AKR1C4: variants seen among roughly 807,000 people sequenced by gnomAD.
AKR1C4 encodes the protein 3-alpha-HSD1.
In AKR1C4, 44 loss-of-function variants were observed where a neutral mutation model predicts 41.0. The ratio of observed to expected loss-of-function variants is 1.07; its 90% CI spans 0.84 to 1.38. The LOEUF (loss-of-function observed/expected upper bound fraction) is 1.38, where lower values mean the gene tolerates loss of function less well. AKR1C4 is among the 40% of genes most tolerant of loss of function. The pLI is 0.00. For synonymous variants in AKR1C4, 165 were observed against 137.7 expected, an observed-to-expected ratio of 1.20 and a Z score of -1.39; for missense variants, 438 against 387.9, an observed-to-expected ratio of 1.13 and a Z score of -1.09.
At chr10:5,217,599 A>G (rs1554798652) in intron 8 of AKR1C4, among the ~76,000 whole-genome samples, 1 of 152,226 alleles carries the variant, frequency 6.6e-6, no homozygotes, top group African/African-American at 2.4e-5. Flanking sequence ...GTCTCTACTA[A>G]AAATAAAAAA....
Position 5,213,051 on chromosome 10 carries a change from GA to G in AKR1C4, c.741del (p.Lys247AsnfsTer8). On this transcript the variant is annotated frameshift_variant, in exon 7 of 9. Coordinates refer to ENST00000263126, the MANE Select transcript of AKR1C4 (RefSeq NM_001818.5). LOFTEE classifies it high-confidence loss of function. ...ACCCAGTTCTTTGTGCCTTAGCAAA[GA>G]AACACAAACAAACCCCAGCCCTGAT... The part of the protein sequence containing the change: ...EDPVLCALAK[K>X]HKQTPALIAL... 1 of 1,614,138 alleles carries G rather than the reference GA, an allele frequency of 6.2e-7. No individual in the cohort carries two copies. Among genetic ancestry groups the G allele is most frequent in the Non-Finnish European group, 8.5e-7 (1 of 1,180,018 alleles).
intron 1 of AKR1C4, among the ~76,000 whole-genome samples, chr10:5,199,103 C>T (rs1832358021): frequency 6.6e-6 from 1 of 152,124 alleles, no homozygotes; most frequent in African/African-American, 2.4e-5. Flanking sequence ...TGGGAAACTC[C>T]ATGCTAGTGA....
chr10:5,208,769 A>G lies in AKR1C4; in HGVS notation c.570+2372A>G, dbSNP rs545928914. On this transcript the variant is annotated intron_variant, in intron 5 of 8. Coordinates refer to ENST00000263126, the MANE Select transcript of AKR1C4 (RefSeq NM_001818.5). ...TCTTATACCTCTATTTTAACCATAA[A>G]TAGAAGATGAAAAAATTTAAAGATA... Among the ~76,000 whole-genome samples, 801 of 151,484 alleles carry G rather than the reference A, an allele frequency of 5.3e-3. 18 individuals are homozygous for G. Among genetic ancestry groups the G allele is most frequent in the Middle Eastern group, 0.014 (4 of 294 alleles).
intron 7 of AKR1C4, among the ~76,000 whole-genome samples, chr10:5,215,379 C>T (rs11253046): frequency 0.37 from 55,827 of 151,362 alleles, 11,653 homozygotes; most frequent in Non-Finnish European, 0.47. Context: ...TTTTGTGCTG[C>T]TGTAAAAAAA....
At chr10:5,208,660 A>T (rs1446067796) in intron 5 of AKR1C4, among the ~76,000 whole-genome samples, 1 of 151,578 alleles carries the variant, frequency 6.6e-6, no homozygotes, top group African/African-American at 2.4e-5. Context: ...TGCAATTATT[A>T]TATCTAAGGA....
chr10:5,208,832 A>G (rs1192165745), intron 5 of AKR1C4, among the ~76,000 whole-genome samples: 2 of 151,352 alleles, frequency 1.3e-5, no homozygotes, highest in African/African-American at 2.5e-5. Flanking sequence ...TACCTAATAA[A>G]AGATGTGTAT....
At chr10:5,204,789 TCA>T in intron 3 of AKR1C4, 1 of 446,122 alleles carries the variant, frequency 2.2e-6, no homozygotes, top group Non-Finnish European at 4.2e-6. Flanking sequence ...CTTAGGATCT[TCA>T]CAGATACAGA....
At position 5,212,981 on chromosome 10, in the gene AKR1C4, G is replaced by A; in HGVS notation, c.681-13G>A. On this transcript the variant is annotated splice_polypyrimidine_tract_variant and intron_variant, in intron 6 of 8. Coordinates refer to ENST00000263126, the MANE Select transcript of AKR1C4 (RefSeq NM_001818.5). ...CAGCCTCAAGACTTCAGCATTTCTGGCTTTCCTTCCAGGGTGGACCCAAAC... is the reference window on the plus strand; with the variant it reads ...CAGCCTCAAGACTTCAGCATTTCTGACTTTCCTTCCAGGGTGGACCCAAAC... 4 of 1,613,040 alleles carry A rather than the reference G, an allele frequency of 2.5e-6. No individual in the cohort carries two copies. Among genetic ancestry groups the A allele is most frequent in the Non-Finnish European group, 3.4e-6 (4 of 1,179,284 alleles).
intron 2 of AKR1C4, chr10:5,202,542 T>A (rs1004081513): frequency 6.8e-6 from 3 of 442,520 alleles, no homozygotes; most frequent in Admixed American, 2.5e-5. Flanking sequence ...CAGTACTATG[T>A]TTAATAGAAG....
In AKR1C4 at chr10:5,204,448, G is replaced by A. The variant is rs782625417; in HGVS notation, c.324G>A (p.Leu108=). 6.2e-7 allele frequency: 1 copy of A among 1,613,866 alleles called. No individual in the cohort carries two copies. Among genetic ancestry groups the A allele is most frequent in the Admixed American group, 1.7e-5 (1 of 60,008 alleles). The part of the protein sequence containing the change: ...ALESSLKKLQ[L]DYVDLYLLHF... ...AAAGCTCACTGAAAAAACTTCAACT[G>A]GACTATGTTGACCTCTATCTTCTTC... Residue 108 remains leucine (L), a synonymous_variant, in exon 3 of 9, where the codon CTG becomes CTA. Coordinates refer to ENST00000263126, the MANE Select transcript of AKR1C4 (RefSeq NM_001818.5).
At chr10:5,218,200 A>G (rs918827860) in intron 8 of AKR1C4, among the ~76,000 whole-genome samples, 4 of 152,246 alleles carry the variant, frequency 2.6e-5, no homozygotes, top group Non-Finnish European at 5.9e-5. Flanking sequence ...GGAACCCCAT[A>G]TCACATATGA....
intron 1 of AKR1C4, among the ~76,000 whole-genome samples, chr10:5,197,645 G>A (rs1472977427): frequency 6.6e-6 from 1 of 152,148 alleles, no homozygotes; most frequent in Non-Finnish European, 1.5e-5. Flanking sequence ...TGGGCAAAAT[G>A]GAGACATTTT....
rs73603573 is a variant in AKR1C4 at position 5,208,502 on chromosome 10, G to C, written c.570+2105G>C. On this transcript the variant is annotated intron_variant, in intron 5 of 8. Transcript: ENST00000263126. ...AAAATTGTTGACACTTTGCCAACCT[G>C]GCAAGTATATAGGCATATATGAGTA... Among the ~76,000 whole-genome samples, 1,434 of 151,604 alleles carry C rather than the reference G, an allele frequency of 9.5e-3. 87 individuals are homozygous for C. The highest frequency in any genetic ancestry group is 0.033 in the African/African-American group (1,353 of 40,928).
intron 2 of AKR1C4, 64 bp from the exon 3 acceptor site, chr10:5,204,313 G>A: frequency 7.9e-7 from 1 of 1,262,792 alleles, no homozygotes; most frequent in African/African-American, 1.5e-5. Flanking sequence ...AATATTAGGT[G>A]AAGCAAACTA....
rs1228712761 is a variant in AKR1C4 at position 5,206,261 on chromosome 10, C to T, written c.448-14C>T. ...AACTGCACAAATAATTCCTCACAACCCCTTTCTCCCCAGGTCATGGAGAAG... is the reference window on the plus strand; with the variant it reads ...AACTGCACAAATAATTCCTCACAACTCCTTTCTCCCCAGGTCATGGAGAAG... On this transcript the variant is annotated splice_polypyrimidine_tract_variant and intron_variant, in intron 4 of 8. Coordinates refer to ENST00000263126, the MANE Select transcript of AKR1C4 (RefSeq NM_001818.5). 2 of 1,613,798 alleles carry T rather than the reference C, an allele frequency of 1.2e-6. No individual in the cohort carries two copies. Among genetic ancestry groups the T allele is most frequent in the Admixed American group, 1.7e-5 (1 of 59,980 alleles).
Position 5,214,744 on chromosome 10 carries a change from T to C in AKR1C4, c.846+1585T>C, listed in dbSNP as rs544882514. Among the ~76,000 whole-genome samples, 3 of 152,288 alleles carry C rather than the reference T, an allele frequency of 2.0e-5. No individual in the cohort carries two copies. In the East Asian group the frequency reaches 5.8e-4, roughly 29 times the overall value. On this transcript the variant is annotated intron_variant, in intron 7 of 8. Transcript: ENST00000263126. ...AAGAATACAATGAATGCTTCTTACC[T>C]AGACTCATCAATTGTTAAATTGATG...
Position 5,217,609 on chromosome 10 carries a change from A to C in AKR1C4, c.929+816A>C, listed in dbSNP as rs1588345140. Among the ~76,000 whole-genome samples the C allele has an allele frequency of 2.0e-5, 3 of 152,328 alleles. No individual in the cohort carries two copies. In the South Asian group the frequency reaches 6.2e-4, roughly 32 times the overall value. Reference sequence around the variant, plus strand: ...ACCCTGTCTCTACTAAAAATAAAAAAATTAGCCATGCATGGTGGCACACAC... The same window carrying C: ...ACCCTGTCTCTACTAAAAATAAAAACATTAGCCATGCATGGTGGCACACAC... On this transcript the variant is annotated intron_variant, in intron 8 of 8. Transcript: ENST00000263126.
In AKR1C4 at chr10:5,218,722, A is replaced by G. The variant is rs782186610; in HGVS notation, c.934A>G (p.Met312Val). ...NYRYVVMDFL[M>V]DHPDYPFSDE... Reference sequence around the variant, plus strand: ...TACTATCCTTTCTCTTTTCAGTCTTATGGACCATCCTGATTATCCATTTTC... The same window carrying G: ...TACTATCCTTTCTCTTTTCAGTCTTGTGGACCATCCTGATTATCCATTTTC... Residue 312 changes from methionine (M) to valine (V), a missense_variant, in exon 9 of 9, where the codon ATG becomes GTG. Coordinates refer to ENST00000263126, the MANE Select transcript of AKR1C4 (RefSeq NM_001818.5). 4 of 1,599,828 alleles carry G rather than the reference A, an allele frequency of 2.5e-6. No homozygotes were observed. The South Asian group carries it at 3.3e-5, about 13-fold the overall frequency.
chr10:5,204,554 T>TCA, intron 3 of AKR1C4, 61 bp downstream of exon 3: 2 of 1,285,762 alleles, frequency 1.6e-6, no homozygotes, highest in Non-Finnish European at 1.1e-6. Flanking sequence ...TTTATGATGG[T>TCA]TGAATTGAAC....
Sources: allele counts gnomAD v4.1 joint callset (sites outside exome capture counted in the v4.1 genomes callset), GRCh38; gene constraint gnomAD v4.1.1; transcripts MANE v1.5; gene names NCBI Gene and HGNC (gene_info 2026-07-23, HGNC 2026-07-21).